Variants in FARS2 observed in about 807,000 individuals in gnomAD.
FARS2 encodes the protein phenylalanyl-tRNA synthetase 2, mitochondrial, also known as phenylalanine--tRNA ligase, mitochondrial.
In FARS2, 40 loss-of-function variants were observed where a neutral mutation model predicts 46.4. The observed-to-expected ratio is 0.86, with a 90% CI of 0.67 to 1.12. The LOEUF (loss-of-function observed/expected upper bound fraction) is 1.12, where lower values mean the gene tolerates loss of function less well. Ranked by LOEUF, FARS2 falls within the 50% of genes most tolerant of loss-of-function variation. The pLI is 0.00. For synonymous variants in FARS2, 234 were observed against 214.9 expected, an observed-to-expected ratio of 1.09 and a Z score of -0.78; for missense variants, 513 against 567.9, an observed-to-expected ratio of 0.90 and a Z score of 0.98.
At chr6:5,672,536 C>T (rs532052817) in intron 6 of FARS2, among the ~76,000 whole-genome samples, 3 of 152,268 alleles carry the variant, frequency 2.0e-5, no homozygotes, top group East Asian at 3.9e-4. Flanking sequence ...CCATGGGTTA[C>T]ATAACTTCAG....
At chr6:5,383,230 C>T (rs77903807) in intron 2 of FARS2, among the ~76,000 whole-genome samples, 2,722 of 152,274 alleles carry the variant, frequency 0.018, 85 homozygotes, top group African/African-American at 0.062. Context: ...TTAATAACTC[C>T]TAGTGTACCA....
intron 1 of FARS2, among the ~76,000 whole-genome samples, chr6:5,322,401 A>G (rs1463065093): frequency 1.3e-5 from 2 of 152,202 alleles, no homozygotes; most frequent in Non-Finnish European, 2.9e-5. Context: ...AACCACAATG[A>G]AGAGTGTTTG....
At chr6:5,578,808 C>CAAAAAAAAAAAA (rs56248218) in intron 5 of FARS2, among the ~76,000 whole-genome samples, 3 of 124,368 alleles carry the variant, frequency 2.4e-5, no homozygotes, top group Admixed American at 8.3e-5. Context: ...CACTCCGTCT[C>CAAAAAAAAAAAA]AAAAAAAAAA....
At chr6:5,682,014 A>G (rs899059276) in intron 6 of FARS2, among the ~76,000 whole-genome samples, 1 of 152,304 alleles carries the variant, frequency 6.6e-6, no homozygotes, top group South Asian at 2.1e-4. Flanking sequence ...CCTGGTCAGC[A>G]TGTGGTTTTG....
intron 5 of FARS2, among the ~76,000 whole-genome samples, chr6:5,556,293 T>G (rs1392059834): frequency 6.6e-6 from 1 of 152,100 alleles, no homozygotes; most frequent in Non-Finnish European, 1.5e-5. Flanking sequence ...ATGGAACAGT[T>G]TTTTCTGTTT....
intron 1 of FARS2, among the ~76,000 whole-genome samples, chr6:5,298,006 C>A (rs1268861189): frequency 6.6e-6 from 1 of 152,196 alleles, no homozygotes; most frequent in Non-Finnish European, 1.5e-5. Flanking sequence ...CGGAGGGCAT[C>A]GATGGTAAAC....
At chr6:5,564,173 G>A (rs953421410) in intron 5 of FARS2, among the ~76,000 whole-genome samples, 13 of 152,182 alleles carry the variant, frequency 8.5e-5, no homozygotes, top group Non-Finnish European at 1.8e-4. Flanking sequence ...TAACCCTGTT[G>A]CAAATAGTAG....
chr6:5,315,021 A>G (rs1343496106), intron 1 of FARS2, among the ~76,000 whole-genome samples: 18 of 152,208 alleles, frequency 1.2e-4, no homozygotes. Flanking sequence ...CATTCTGGGT[A>G]GAGGTAATTA....
chr6:5,467,233 A>G, intron 4 of FARS2: 1 of 345,052 alleles, frequency 2.9e-6, no homozygotes, highest in African/African-American at 2.2e-5. Context: ...TTATTGCCAC[A>G]GGTGGTTACC....
At chr6:5,388,270 A>G (rs1319344187) in intron 2 of FARS2, among the ~76,000 whole-genome samples, 2 of 152,208 alleles carry the variant, frequency 1.3e-5, no homozygotes, top group African/African-American at 4.8e-5. Flanking sequence ...CAGGGGGGAA[A>G]TGGTTGCAGA....
intron 6 of FARS2, among the ~76,000 whole-genome samples, chr6:5,719,452 G>GAGAA (rs770470132): frequency 6.7e-6 from 1 of 150,066 alleles, no homozygotes. Flanking sequence ...GAGAGAAAGA[G>GAGAA]ATAAAGAAAA....
chr6:5,557,636 T>C (rs945042123), intron 5 of FARS2, among the ~76,000 whole-genome samples: 9 of 152,142 alleles, frequency 5.9e-5, no homozygotes, highest in African/African-American at 1.9e-4. Flanking sequence ...CTTGTTACTG[T>C]AGATATTTTT....
intron 4 of FARS2, among the ~76,000 whole-genome samples, chr6:5,505,286 A>G (rs925564602): frequency 2.6e-5 from 4 of 152,216 alleles, no homozygotes; most frequent in Non-Finnish European, 4.4e-5. Context: ...TCGCTCTTCC[A>G]GATTGATACT....
the FARS2 span, among the ~76,000 whole-genome samples, chr6:5,255,442 A>T: frequency 6.6e-6 from 1 of 152,208 alleles, no homozygotes; most frequent in African/African-American, 2.4e-5. Context: ...GTTATTCTTC[A>T]TAAAAGTGTT....
At chr6:5,501,284 G>A (rs549758773) in intron 4 of FARS2, among the ~76,000 whole-genome samples, 15 of 152,114 alleles carry the variant, frequency 9.9e-5, no homozygotes, top group African/African-American at 2.9e-4. Flanking sequence ...CACTGTGGGC[G>A]TATTGAAAAA....
intron 4 of FARS2, among the ~76,000 whole-genome samples, chr6:5,437,308 C>T (rs970134298): frequency 1.6e-4 from 24 of 152,104 alleles, no homozygotes; most frequent in African/African-American, 4.8e-4. Flanking sequence ...TATTTCCATT[C>T]TCTAGAAGCA....
chr6:5,445,898 A>G (rs1764157002), intron 4 of FARS2, among the ~76,000 whole-genome samples: 1 of 152,150 alleles, frequency 6.6e-6, no homozygotes, highest in South Asian at 2.1e-4. Context: ...CTACAGTAAG[A>G]TACTCTTTAA....
chr6:5,331,650 A>C (rs1770806941), intron 1 of FARS2, among the ~76,000 whole-genome samples: 1 of 152,226 alleles, frequency 6.6e-6, no homozygotes, highest in African/African-American at 2.4e-5. Flanking sequence ...TGGTATTGTT[A>C]CTGGGTCAGA....
At chr6:5,438,143 A>G (rs778885735) in intron 4 of FARS2, among the ~76,000 whole-genome samples, 4 of 151,024 alleles carry the variant, frequency 2.6e-5, no homozygotes, top group Non-Finnish European at 4.4e-5. Flanking sequence ...GTCATTCTTC[A>G]CTTGTAAATA....
Sources: gnomAD v4.1 joint callset for allele counts (sites outside exome capture counted in the v4.1 genomes callset) on GRCh38, gnomAD v4.1.1 for gene constraint, MANE v1.5 for transcripts, NCBI Gene and HGNC (gene_info 2026-07-23, HGNC 2026-07-21) for gene names.